EFNA5: variants seen among roughly 807,000 people sequenced by gnomAD.
EFNA5 encodes ephrin-A5.
In EFNA5, 5 loss-of-function variants were observed where a neutral mutation model predicts 22.9. The ratio of observed to expected loss-of-function variants is 0.22; its 90% CI spans 0.11 to 0.46. The LOEUF is 0.46. EFNA5 is among the 20% of genes least tolerant of loss of function. The probability of loss-of-function intolerance (pLI) is 0.99; values close to 1 mark genes in which losing one functional copy is unlikely to be tolerated. For missense variants in EFNA5, 237 were observed against 293.3 expected (o/e 0.81, Z 1.40); for synonymous variants, 113 against 112.2 (o/e 1.01, Z -0.04).
chr5:107,663,075 G>A (rs1017096341), intron 1 of EFNA5, among the ~76,000 whole-genome samples: 11 of 152,022 alleles, frequency 7.2e-5, no homozygotes, highest in Middle Eastern at 3.4e-3. Flanking sequence ...TAGTAAGTTC[G>A]CAAATAAGAT....
intron 1 of EFNA5, among the ~76,000 whole-genome samples, chr5:107,589,875 T>C (rs1385927964): frequency 6.6e-6 from 1 of 152,222 alleles, no homozygotes; most frequent in Non-Finnish European, 1.5e-5. Context: ...CTTGGGTTTT[T>C]CTTCTTCTGC....
At chr5:107,478,176 T>A (rs1320335673) in intron 1 of EFNA5, among the ~76,000 whole-genome samples, 1 of 152,110 alleles carries the variant, frequency 6.6e-6, no homozygotes, top group Non-Finnish European at 1.5e-5. Flanking sequence ...GCTCCCTGCT[T>A]CTCCTCCTGA....
intron 1 of EFNA5, among the ~76,000 whole-genome samples, chr5:107,637,211 A>G (rs1750390725): frequency 1.3e-5 from 2 of 152,186 alleles, no homozygotes; most frequent in Non-Finnish European, 2.9e-5. Context: ...TAATATAATT[A>G]TAAGAGAAAT....
rs888348136 is a variant in EFNA5 at position 107,627,498 on chromosome 5, C to T, written c.125+42991G>A. Among the ~76,000 whole-genome samples the T allele has an allele frequency of 7.9e-5, 12 of 151,982 alleles. 1 individual carries two copies. Among genetic ancestry groups the T allele is most frequent in the African/African-American group, 2.9e-4 (12 of 41,456 alleles). On this transcript the variant is annotated intron_variant, in intron 1 of 4. Transcript: ENST00000333274. ...AAAGAGTATTAAGCCACATCAGATG[C>T]GGTGGCACGGGCCTGTAGTCCCAGC...
At chr5:107,644,707 T>C (rs1277298506) in intron 1 of EFNA5, among the ~76,000 whole-genome samples, 1 of 152,130 alleles carries the variant, frequency 6.6e-6, no homozygotes, top group Non-Finnish European at 1.5e-5. Flanking sequence ...TGTTTTGTTT[T>C]TTGTTTGTTT....
chr5:107,605,140 C>T (rs1204252030), intron 1 of EFNA5, among the ~76,000 whole-genome samples: 1 of 49,532 alleles, frequency 2.0e-5, no homozygotes, highest in Non-Finnish European at 3.7e-5. Context: ...TTTAAAAGCT[C>T]GGGGGTGGGG....
intron 1 of EFNA5, among the ~76,000 whole-genome samples, chr5:107,608,000 T>A (rs1386836199): frequency 6.6e-6 from 1 of 152,070 alleles, no homozygotes; most frequent in Non-Finnish European, 1.5e-5. Flanking sequence ...GCAAATTTCA[T>A]GGAAATTTTT....
intron 2 of EFNA5, among the ~76,000 whole-genome samples, chr5:107,395,522 G>A (rs1315912804): frequency 6.6e-6 from 1 of 152,172 alleles, no homozygotes; most frequent in Non-Finnish European, 1.5e-5. Context: ...AAGAAATATA[G>A]TTCAGTTTCT....
chr5:107,599,341 A>C (rs1413324393), intron 1 of EFNA5, among the ~76,000 whole-genome samples: 2 of 152,256 alleles, frequency 1.3e-5, no homozygotes, highest in African/African-American at 4.8e-5. Context: ...TTAAAAAGCA[A>C]GATACAGAAC....
intron 1 of EFNA5, among the ~76,000 whole-genome samples, chr5:107,528,320 ATAATGT>A (rs1747740260): frequency 1.3e-5 from 2 of 152,228 alleles, no homozygotes; most frequent in African/African-American, 4.8e-5. Flanking sequence ...AGGAGAAATA[ATAATGT>A]CTTTTACAAA....
chr5:107,652,463 T>C (rs989291385), intron 1 of EFNA5, among the ~76,000 whole-genome samples: 1 of 152,184 alleles, frequency 6.6e-6, no homozygotes, highest in Non-Finnish European at 1.5e-5. Context: ...TCTAATATAT[T>C]AGTGGCCTGA....
chr5:107,615,706 T>A (rs1749899330), intron 1 of EFNA5, among the ~76,000 whole-genome samples: 1 of 152,194 alleles, frequency 6.6e-6, no homozygotes, highest in South Asian at 2.1e-4. Context: ...AAAAGCTTGC[T>A]TCACTTAAAA....
At chr5:107,622,991 G>A (rs997092799) in intron 1 of EFNA5, among the ~76,000 whole-genome samples, 3 of 123,234 alleles carry the variant, frequency 2.4e-5, no homozygotes, top group African/African-American at 6.2e-5. Flanking sequence ...ACTGCAGTCC[G>A]CAGTCCGGCC....
At chr5:107,616,902 A>T (rs928941584) in intron 1 of EFNA5, among the ~76,000 whole-genome samples, 1 of 152,132 alleles carries the variant, frequency 6.6e-6, no homozygotes, top group Non-Finnish European at 1.5e-5. Context: ...AAATAGCCAG[A>T]CCTAACATTT....
chr5:107,580,120 C>T (rs1157705981), intron 1 of EFNA5, among the ~76,000 whole-genome samples: 4 of 152,104 alleles, frequency 2.6e-5, no homozygotes, highest in Non-Finnish European at 4.4e-5. Flanking sequence ...TATATAGCTG[C>T]ACACAAATTA....
intron 1 of EFNA5, among the ~76,000 whole-genome samples, chr5:107,657,541 C>G (rs1750855560): frequency 6.6e-6 from 1 of 151,804 alleles, no homozygotes; most frequent in Admixed American, 6.6e-5. Flanking sequence ...GAAATAGTAC[C>G]CAATGTTCTA....
chr5:107,477,267 T>C (rs564890564), intron 1 of EFNA5, among the ~76,000 whole-genome samples: 1 of 152,326 alleles, frequency 6.6e-6, no homozygotes, highest in African/African-American at 2.4e-5. Context: ...CATATAGATA[T>C]TTATGTACCT....
intron 1 of EFNA5, among the ~76,000 whole-genome samples, chr5:107,490,897 G>A (rs1204539142): frequency 6.6e-6 from 1 of 152,176 alleles, no homozygotes; most frequent in African/African-American, 2.4e-5. Context: ...ATCTTGCAGA[G>A]ATCCTGCTCA....
At position 107,377,483 on chromosome 5, in the gene EFNA5, T is replaced by C. The variant is rs1302775018; in HGVS notation, c.*3772A>G. ...CAAAAGAAAAGTCAGTGACCACAAC[T>C]CTGAGAGCAATGAATGGAAAGGAGG... On this transcript the variant is annotated 3_prime_UTR_variant, in exon 5 of 5. Transcript: ENST00000333274. The C allele has an allele frequency of 5.3e-5, 8 of 152,272 alleles. No individual in the cohort carries two copies. The highest frequency in any genetic ancestry group is 1.0e-4 in the Non-Finnish European group (7 of 68,026). 9.4% of individuals were successfully genotyped at this position (152,272 alleles called of 1,614,324 possible). A position where few individuals can be genotyped will look rare whatever the true frequency, so the allele number is the denominator to read the frequency against.
Sources: allele counts gnomAD v4.1 joint callset (sites outside exome capture counted in the v4.1 genomes callset), GRCh38; gene constraint gnomAD v4.1.1; transcripts MANE v1.5; gene names NCBI Gene and HGNC (gene_info 2026-07-23, HGNC 2026-07-21).